Variants in PON3 observed in about 807,000 individuals in gnomAD.
The protein encoded by PON3 is serum paraoxonase/lactonase 3.
In PON3, 37 loss-of-function variants were observed where a neutral mutation model predicts 36.3. That is an observed-to-expected ratio of 1.02 (90% CI 0.78 to 1.34). The LOEUF (loss-of-function observed/expected upper bound fraction) is 1.34. Among genes scored for constraint, PON3 ranks in the 40% most tolerant of loss-of-function variants. The pLI, the probability that PON3 is intolerant of heterozygous loss-of-function variation, is 0.00. For synonymous variants in PON3, 155 were observed against 154.8 expected, an observed-to-expected ratio of 1.00 and a Z score of -0.01; for missense variants, 415 against 426.5, an observed-to-expected ratio of 0.97 and a Z score of 0.24.
chr7:95,377,556 G>A (rs1808948491), intron 3 of PON3: 1 of 428,118 alleles, frequency 2.3e-6, no homozygotes, highest in African/African-American at 2.1e-5. Flanking sequence ...ATGCCCCTCT[G>A]GGATGAAGCT....
At position 95,362,362 on chromosome 7, in the gene PON3, T is replaced by C. The variant is rs201389608; in HGVS notation, c.906A>G (p.Glu302=). 73 of 1,613,702 alleles carry C rather than the reference T, an allele frequency of 4.5e-5. No individual in the cohort carries two copies. The highest frequency in any genetic ancestry group is 6.0e-5 in the Non-Finnish European group (71 of 1,179,678). ...AGCTCAGAGAGGTATAGGAACTTAC[T>C]TCTGATCCTGGAGGGTCCTCAGGGT... ...NYNPEDPPGS[E]VLRIQNVLSE... The change falls in exon 8 of 9, where the codon GAA becomes GAG. Residue 302 remains glutamate, a splice_region_variant and synonymous_variant. Transcript: ENST00000265627.
At chr7:95,389,262 G>C (rs895309392) in intron 3 of PON3, among the ~76,000 whole-genome samples, 1 of 152,112 alleles carries the variant, frequency 6.6e-6, no homozygotes, top group Non-Finnish European at 1.5e-5. Context: ...GTCCAAATGA[G>C]AGCCTCACTC....
chr7:95,362,565 C>G (rs1284992496), intron 7 of PON3, 75 bp from the exon 8 acceptor site: 1 of 1,601,068 alleles, frequency 6.2e-7, no homozygotes, highest in Non-Finnish European at 8.5e-7. Context: ...TCCCCACAAC[C>G]CCTACAGCTT....
intron 6 of PON3, 38 bp downstream of exon 6, chr7:95,363,825 C>T (rs761009772): frequency 1.3e-6 from 2 of 1,586,178 alleles, no homozygotes; most frequent in South Asian, 2.2e-5. Flanking sequence ...ACGAAAATGT[C>T]AAGGGCAAAG....
chr7:95,386,454 G>T (rs1310090484), intron 3 of PON3, among the ~76,000 whole-genome samples: 2 of 152,136 alleles, frequency 1.3e-5, no homozygotes, highest in Admixed American at 6.5e-5. Context: ...TCTCTGAATA[G>T]ACCAATAACA....
At chr7:95,368,817 A>AC (rs1418555629) in intron 4 of PON3, among the ~76,000 whole-genome samples, 5 of 150,186 alleles carry the variant, frequency 3.3e-5, no homozygotes, top group East Asian at 1.9e-4. Flanking sequence ...AAACAAACAA[A>AC]AAAAAAAAAA....
chr7:95,376,592 T>C (rs1237282778), intron 3 of PON3, among the ~76,000 whole-genome samples: 1 of 151,726 alleles, frequency 6.6e-6, no homozygotes, highest in Non-Finnish European at 1.5e-5. Context: ...GTGATGAAAA[T>C]ATATACTTCC....
chr7:95,369,684 G>T (rs567729912), intron 4 of PON3, among the ~76,000 whole-genome samples: 1 of 152,174 alleles, frequency 6.6e-6, no homozygotes, highest in East Asian at 1.9e-4. Context: ...GCTGAGGCAT[G>T]AGAATTGCTT....
At chr7:95,374,098 C>A (rs1342926246) in intron 3 of PON3, among the ~76,000 whole-genome samples, 4 of 152,132 alleles carry the variant, frequency 2.6e-5, no homozygotes, top group Non-Finnish European at 5.9e-5. Flanking sequence ...CCCCACTCCC[C>A]CTCCATGATC....
Position 95,366,632 on chromosome 7 carries a change from T to C in PON3, c.494+730A>G, listed in dbSNP as rs565177985. ...CTACAGCCTTTAAACAGGCAGCCTC[T>C]CCACTGAAAAGCCTGTTATTTTAAT... On this transcript the variant is annotated intron_variant, in intron 5 of 8. Transcript: ENST00000265627. Among the ~76,000 whole-genome samples the C allele has an allele frequency of 6.0e-4, 91 of 152,334 alleles. 3 individuals are homozygous for C. In the South Asian group the frequency reaches 0.019, roughly 32 times the overall value.
At chr7:95,390,018 G>T in intron 3 of PON3, 136 bp downstream of exon 3, 1 of 963,550 alleles carries the variant, frequency 1.0e-6, no homozygotes, top group Non-Finnish European at 1.7e-6. Context: ...TTCTGTTTTG[G>T]CTTTTTTAGT....
At chr7:95,394,189 G>A (rs762884600) in intron 2 of PON3, among the ~76,000 whole-genome samples, 4 of 152,006 alleles carry the variant, frequency 2.6e-5, no homozygotes, top group Non-Finnish European at 4.4e-5. Flanking sequence ...GAGCCACTGC[G>A]CCCAGCCTGC....
chr7:95,368,351 G>A (rs1447722225), intron 4 of PON3, among the ~76,000 whole-genome samples: 1 of 152,144 alleles, frequency 6.6e-6, no homozygotes, highest in East Asian at 1.9e-4. Context: ...TCATAACCAG[G>A]ACCTCTGAAA....
chr7:95,392,063 C>G (rs946585285), intron 2 of PON3, among the ~76,000 whole-genome samples: 5 of 152,222 alleles, frequency 3.3e-5, no homozygotes, highest in Non-Finnish European at 7.3e-5. Context: ...TAGATAGCAG[C>G]ATCCACTTTA....
chr7:95,366,929 C>A (rs763699260), intron 5 of PON3, among the ~76,000 whole-genome samples: 22 of 152,224 alleles, frequency 1.4e-4, no homozygotes, highest in African/African-American at 4.8e-4. Flanking sequence ...TTAAAAAATT[C>A]TACTTTAAAG....
At chr7:95,385,837 G>A (rs981577642) in intron 3 of PON3, among the ~76,000 whole-genome samples, 2 of 152,066 alleles carry the variant, frequency 1.3e-5, no homozygotes, top group Non-Finnish European at 2.9e-5. Context: ...ATGAAATGAA[G>A]GCAGAAATAA....
intron 3 of PON3, among the ~76,000 whole-genome samples, chr7:95,379,827 T>G (rs1809005400): frequency 6.6e-6 from 1 of 152,106 alleles, no homozygotes; most frequent in Admixed American, 6.6e-5. Context: ...GACTTAAATG[T>G]CCCTATCTGA....
At position 95,367,383 on chromosome 7, in the gene PON3, A is replaced by G. The variant is rs1808720511; in HGVS notation, c.473T>C (p.Ile158Thr). The change falls in exon 5 of 9, where the codon ATA becomes ACA. Residue 158 changes from isoleucine (I) to threonine (T), a missense_variant. Transcript: ENST00000265627. ...ATACCTTTTGAGAAGTTCATGTTTT[A>G]TAGTTTTCAGGTATACCAGAGAACG... is the stretch of plus-strand genomic sequence containing the variant. The part of the protein sequence containing the change: ...QQRSLVYLKT[I>T]KHELLKSVND... 1.2e-6 allele frequency: 2 copies of G among 1,612,954 alleles called. No individual in the cohort carries two copies. The highest frequency in any genetic ancestry group is 3.3e-5 in the Admixed American group (2 of 59,984).
intron 4 of PON3, 150 bp from the exon 5 acceptor site, chr7:95,367,638 T>C: frequency 1.2e-6 from 1 of 810,756 alleles, no homozygotes; most frequent in Non-Finnish European, 2.0e-6. Flanking sequence ...GTCAGACAAA[T>C]GCCAGAATCC....
Sources: gnomAD v4.1 joint callset for allele counts (sites outside exome capture counted in the v4.1 genomes callset) on GRCh38, gnomAD v4.1.1 for gene constraint, MANE v1.5 for transcripts, NCBI Gene and HGNC (gene_info 2026-07-23, HGNC 2026-07-21) for gene names.